Variants in SEMA6D observed in about 807,000 individuals in gnomAD.
The protein encoded by SEMA6D is semaphorin-6D.
Under a neutral mutation model 106.6 loss-of-function variants are expected in SEMA6D, and 35 were observed. The observed-to-expected ratio is 0.33, with a 90% CI of 0.25 to 0.44. SEMA6D has a LOEUF of 0.44. SEMA6D is among the 20% of genes least tolerant of loss of function. The pLI, the probability that SEMA6D is intolerant of heterozygous loss-of-function variation, is 1.00. For synonymous variants in SEMA6D, 499 were observed against 487.7 expected, an observed-to-expected ratio of 1.02 and a Z score of -0.31; for missense variants, 1,185 against 1,345.9, an observed-to-expected ratio of 0.88 and a Z score of 1.87.
intron 4 of SEMA6D, among the ~76,000 whole-genome samples, chr15:47,637,909 C>CT (rs910774206): frequency 2.2e-4 from 33 of 152,230 alleles, no homozygotes; most frequent in Non-Finnish European, 3.5e-4. Flanking sequence ...AATCACAGGA[C>CT]TTTTTTACTG....
intron 3 of SEMA6D, among the ~76,000 whole-genome samples, chr15:47,585,383 A>G (rs2076320461): frequency 6.6e-6 from 1 of 152,218 alleles, no homozygotes; most frequent in Admixed American, 6.5e-5. Flanking sequence ...ACATTATTTT[A>G]ATCTGTAAAT....
At chr15:47,407,406 C>CAAAA (rs1231097214) in intron 1 of SEMA6D, among the ~76,000 whole-genome samples, 5 of 105,816 alleles carry the variant, frequency 4.7e-5, no homozygotes, top group Admixed American at 1.1e-4. Context: ...ACAACAACAA[C>CAAAA]AACAAAAAAA....
At chr15:47,334,523 T>C (rs1274970800) in intron 1 of SEMA6D, among the ~76,000 whole-genome samples, 1 of 152,188 alleles carries the variant, frequency 6.6e-6, no homozygotes, top group Non-Finnish European at 1.5e-5. Context: ...TATTGTCTAC[T>C]GCTTAGTATT....
At chr15:47,516,127 G>A (rs925160879) in intron 3 of SEMA6D, among the ~76,000 whole-genome samples, 1 of 152,080 alleles carries the variant, frequency 6.6e-6, no homozygotes. Flanking sequence ...CTTTTGTTAT[G>A]GGAGCAACAT....
At chr15:47,644,146 A>G (rs1181680948) in intron 4 of SEMA6D, among the ~76,000 whole-genome samples, 1 of 152,136 alleles carries the variant, frequency 6.6e-6, no homozygotes. Flanking sequence ...AAAATCAAAG[A>G]TCAAAGTGTG....
intron 3 of SEMA6D, among the ~76,000 whole-genome samples, chr15:47,579,140 AT>A (rs34862760): frequency 0.53 from 68,563 of 128,970 alleles, 17,629 homozygotes; most frequent in South Asian, 0.65. Context: ...AGAAATCTGT[AT>A]TTTTTTTTTT....
At chr15:47,497,895 T>C (rs1184314098) in intron 3 of SEMA6D, among the ~76,000 whole-genome samples, 1 of 152,136 alleles carries the variant, frequency 6.6e-6, no homozygotes, top group Non-Finnish European at 1.5e-5. Flanking sequence ...TAGGTTCTAC[T>C]TCTGCAGAGT....
At chr15:47,422,225 C>CCTTCCTTCCTTG (rs1567068527) in intron 2 of SEMA6D, among the ~76,000 whole-genome samples, 3 of 148,960 alleles carry the variant, frequency 2.0e-5, no homozygotes, top group African/African-American at 7.6e-5. Context: ...TTCCTTCCTT[C>CCTTCCTTCCTTG]CTTCCTTCCA....
At chr15:47,197,939 AATCATTTCCTTGGG>A (rs1321889435) in intron 1 of SEMA6D, among the ~76,000 whole-genome samples, 2 of 152,100 alleles carry the variant, frequency 1.3e-5, no homozygotes, top group Non-Finnish European at 1.5e-5. Context: ...GATATATTTA[AATCATTTCCTTGGG>A]GAGTCAAAAG....
intron 1 of SEMA6D, among the ~76,000 whole-genome samples, chr15:47,323,340 C>T (rs78417831): frequency 0.017 from 2,530 of 152,094 alleles, 64 homozygotes; most frequent in African/African-American, 0.058. Context: ...ACGTGAACAC[C>T]GGAGAATGAG....
chr15:47,651,400 G>C (rs900881561), intron 4 of SEMA6D, among the ~76,000 whole-genome samples: 1 of 151,762 alleles, frequency 6.6e-6, no homozygotes, highest in South Asian at 2.1e-4. Context: ...GCAACACCCT[G>C]CCTCTAAAAA....
chr15:47,492,482 G>A (rs8033833), intron 3 of SEMA6D, among the ~76,000 whole-genome samples: 38,597 of 151,976 alleles, frequency 0.25, 5,313 homozygotes, highest in Middle Eastern at 0.44. Context: ...TTGATCTTTA[G>A]CCAGGACCTT....
chr15:47,541,404 T>G (rs1332494050), intron 3 of SEMA6D, among the ~76,000 whole-genome samples: 4 of 152,140 alleles, frequency 2.6e-5, no homozygotes. Flanking sequence ...ATAAAAAACT[T>G]TCATGCCCAG....
At chr15:47,261,123 G>A (rs1488076594) in intron 1 of SEMA6D, among the ~76,000 whole-genome samples, 1 of 152,168 alleles carries the variant, frequency 6.6e-6, no homozygotes, top group African/African-American at 2.4e-5. Context: ...TATGCCAGAA[G>A]TCCAGCTAGT....
intron 1 of SEMA6D, among the ~76,000 whole-genome samples, chr15:47,307,754 A>C (rs763902690): frequency 3.0e-4 from 45 of 152,166 alleles, no homozygotes; most frequent in Non-Finnish European, 3.5e-4. Flanking sequence ...TCTTCCCTTC[A>C]TTTTCTAAAT....
chr15:47,703,595 G>A (rs1004824526), intron 4 of SEMA6D, among the ~76,000 whole-genome samples: 4 of 152,114 alleles, frequency 2.6e-5, no homozygotes, highest in Non-Finnish European at 4.4e-5. Context: ...AATGATGACT[G>A]TGAAAAACAG....
intron 1 of SEMA6D, among the ~76,000 whole-genome samples, chr15:47,209,975 C>T (rs1895369759): frequency 6.6e-6 from 1 of 152,150 alleles, no homozygotes; most frequent in South Asian, 2.1e-4. Context: ...AAGAAAACTA[C>T]TACATTCTCT....
intron 4 of SEMA6D, among the ~76,000 whole-genome samples, chr15:47,624,688 G>C (rs1391642084): frequency 7.2e-5 from 11 of 152,194 alleles, no homozygotes. Flanking sequence ...AACTAACCAT[G>C]AGATAAATGT....
rs139107646 is a variant in SEMA6D at position 47,774,214 on chromosome 15, A to C, written c.*2429A>C. 2.0e-5 allele frequency: 3 copies of C among 152,648 alleles called. No homozygotes were observed. Among genetic ancestry groups the C allele is most frequent in the Non-Finnish European group, 4.4e-5 (3 of 68,034 alleles). The allele number at this position is 152,648 out of a possible 1,614,324, so 9.5% of individuals were successfully genotyped here. ...ATGTAAAGTCAAAATAAAATATACA[A>C]ATCATTATATCCTGCCTCTTGATAT... On this transcript the variant is annotated 3_prime_UTR_variant, in exon 19 of 19. Coordinates refer to ENST00000536845, the MANE Select transcript of SEMA6D (RefSeq NM_001358351.3).
Sources: gnomAD v4.1 joint callset for allele counts (sites outside exome capture counted in the v4.1 genomes callset) on GRCh38, gnomAD v4.1.1 for gene constraint, MANE v1.5 for transcripts, NCBI Gene and HGNC (gene_info 2026-07-23, HGNC 2026-07-21) for gene names.